The following HIVEP3 variants were observed in gnomAD, a reference collection of about 807,000 sequenced individuals.
HIVEP3 encodes the protein transcription factor HIVEP3.
Under a neutral mutation model 152.8 loss-of-function variants are expected in HIVEP3, and 49 were observed. That is an observed-to-expected ratio of 0.32 (90% confidence interval 0.26 to 0.41). The LOEUF (loss-of-function observed/expected upper bound fraction) is 0.41. Among genes scored for constraint, HIVEP3 ranks in the 10% least tolerant of loss-of-function variants. HIVEP3 has a pLI of 1.00. For missense variants in HIVEP3, 2,790 were observed against 3,103.3 expected (o/e 0.90, Z 2.40); for synonymous variants, 1,269 against 1,289.0 (o/e 0.98, Z 0.33).
intron 1 of HIVEP3, among the ~76,000 whole-genome samples, chr1:42,020,673 C>T (rs918317263): frequency 1.3e-5 from 2 of 152,134 alleles, no homozygotes; most frequent in Admixed American, 1.3e-4. Context: ...TCAAACTATA[C>T]ACCAGGCATT....
At chr1:41,753,632 C>A (rs1013753992) in intron 1 of HIVEP3, among the ~76,000 whole-genome samples, 4 of 151,740 alleles carry the variant, frequency 2.6e-5, no homozygotes, top group Non-Finnish European at 4.4e-5. Flanking sequence ...CACGTCATCG[C>A]ACTCCAGCCT....
At chr1:41,528,332 C>A (rs373040214) in intron 5 of HIVEP3, among the ~76,000 whole-genome samples, 1 of 136,528 alleles carries the variant, frequency 7.3e-6, no homozygotes, top group African/African-American at 2.8e-5. Flanking sequence ...CACCCCCACA[C>A]TCACACTCGC....
intron 2 of HIVEP3, among the ~76,000 whole-genome samples, chr1:41,660,091 TGTGA>T (rs778419607): frequency 4.3e-4 from 65 of 152,104 alleles, no homozygotes; most frequent in African/African-American, 1.5e-3. Flanking sequence ...GGATGGCATG[TGTGA>T]GTGAGTTGGA....
intron 1 of HIVEP3, among the ~76,000 whole-genome samples, chr1:41,779,704 C>T (rs542223039): frequency 1.3e-5 from 2 of 152,232 alleles, no homozygotes; most frequent in Non-Finnish European, 2.9e-5. Context: ...GCCATATTGG[C>T]CAGGCTGGTC....
At chr1:41,670,155 T>C (rs1228503187) in intron 2 of HIVEP3, among the ~76,000 whole-genome samples, 1 of 152,206 alleles carries the variant, frequency 6.6e-6, no homozygotes, top group Non-Finnish European at 1.5e-5. Flanking sequence ...ACTGAACGAA[T>C]GCATACCTCA....
At chr1:42,006,992 G>C (rs1645463472) in intron 1 of HIVEP3, among the ~76,000 whole-genome samples, 1 of 152,186 alleles carries the variant, frequency 6.6e-6, no homozygotes. Flanking sequence ...CATAACTTAG[G>C]CTAACTTCTG....
chr1:41,670,498 T>C (rs909650793), intron 2 of HIVEP3, among the ~76,000 whole-genome samples: 2 of 152,098 alleles, frequency 1.3e-5, no homozygotes, highest in Non-Finnish European at 2.9e-5. Flanking sequence ...TTAGAGTGCA[T>C]CAGTGAACAA....
chr1:41,653,714 C>T (rs538458956), intron 2 of HIVEP3, among the ~76,000 whole-genome samples: 16 of 152,202 alleles, frequency 1.1e-4, no homozygotes, highest in East Asian at 3.9e-4. Flanking sequence ...GGCAAGAAAC[C>T]GTTAGGAGGC....
intron 2 of HIVEP3, among the ~76,000 whole-genome samples, chr1:41,640,021 C>A (rs1345534323): frequency 6.6e-6 from 1 of 152,178 alleles, no homozygotes; most frequent in Non-Finnish European, 1.5e-5. Flanking sequence ...AGAAGAACTT[C>A]AAGTACAAGA....
At chr1:41,767,792 G>T (rs2099758) in intron 1 of HIVEP3, among the ~76,000 whole-genome samples, 1 of 152,044 alleles carries the variant, frequency 6.6e-6, no homozygotes, top group Admixed American at 6.5e-5. Context: ...TGAGCTGGCA[G>T]GGCTTTTGTT....
At position 41,911,706 on chromosome 1, in the gene HIVEP3, G is replaced by T. The variant is rs549432216; in HGVS notation, c.-801+6707C>A. Among the ~76,000 whole-genome samples the T allele has an allele frequency of 1.8e-3, 272 of 152,214 alleles. 1 individual carries two copies. Among genetic ancestry groups the T allele is most frequent in the African/African-American group, 6.3e-3 (263 of 41,512 alleles). ...ATATATTCATTCAATGGAATATTATGGTTCAGCAAAATGAAAAAATTTCAG... is the reference window on the plus strand; with the variant it reads ...ATATATTCATTCAATGGAATATTATTGTTCAGCAAAATGAAAAAATTTCAG... On this transcript the variant is annotated intron_variant, in intron 1 of 8. Coordinates refer to ENST00000372583, the MANE Select transcript of HIVEP3 (RefSeq NM_024503.5).
chr1:41,653,043 G>GAA (rs34238311), intron 2 of HIVEP3, among the ~76,000 whole-genome samples: 19 of 151,738 alleles, frequency 1.3e-4, no homozygotes, highest in Non-Finnish European at 2.5e-4. Flanking sequence ...AACAAAGTGG[G>GAA]AAAAAATGTG....
At chr1:41,726,206 T>G (rs542869432) in intron 1 of HIVEP3, among the ~76,000 whole-genome samples, 2 of 152,306 alleles carry the variant, frequency 1.3e-5, no homozygotes, top group Non-Finnish European at 2.9e-5. Flanking sequence ...AGAAGCCACA[T>G]GGGCCCATGG....
intron 3 of HIVEP3, among the ~76,000 whole-genome samples, chr1:41,600,487 T>C (rs1405154281): frequency 2.0e-5 from 3 of 152,218 alleles, no homozygotes; most frequent in Admixed American, 6.5e-5. Flanking sequence ...ATTTCACTTA[T>C]ATGAAGTACT....
chr1:41,817,209 C>T (rs1179658859), intron 1 of HIVEP3, among the ~76,000 whole-genome samples: 1 of 152,186 alleles, frequency 6.6e-6, no homozygotes, highest in Non-Finnish European at 1.5e-5. Context: ...AGCTGAGACC[C>T]ACATCCAAGC....
chr1:41,562,633 C>CTTT (rs1644093965), intron 5 of HIVEP3, among the ~76,000 whole-genome samples: 113 of 71,372 alleles, frequency 1.6e-3, no homozygotes, highest in African/African-American at 5.0e-3. Flanking sequence ...CTCTCTCTCT[C>CTTT]CCTCTCTCTC....
intron 3 of HIVEP3, among the ~76,000 whole-genome samples, chr1:41,600,956 A>G (rs187608892): frequency 6.9e-4 from 105 of 152,242 alleles, no homozygotes; most frequent in Admixed American, 5.0e-3. Flanking sequence ...TAAGAATCCA[A>G]TTTCATTCTT....
chr1:41,775,374 C>T (rs1648631078), intron 1 of HIVEP3, among the ~76,000 whole-genome samples: 1 of 152,198 alleles, frequency 6.6e-6, no homozygotes, highest in Non-Finnish European at 1.5e-5. Context: ...GAGCTGTTGG[C>T]TTCAGAATCT....
chr1:41,520,628 C>T (rs1024040191), intron 6 of HIVEP3, among the ~76,000 whole-genome samples: 1 of 152,212 alleles, frequency 6.6e-6, no homozygotes, highest in Admixed American at 6.5e-5. Flanking sequence ...ACTGTGGACA[C>T]TGCTCATTCT....
Sources: gnomAD v4.1 joint callset for allele counts (sites outside exome capture counted in the v4.1 genomes callset) on GRCh38, gnomAD v4.1.1 for gene constraint, MANE v1.5 for transcripts, NCBI Gene and HGNC (gene_info 2026-07-23, HGNC 2026-07-21) for gene names.